Variants in BCAT1 observed in about 807,000 individuals in gnomAD.
BCAT1 encodes the protein branched chain amino acid transaminase 1.
Under a neutral mutation model 52.4 loss-of-function variants are expected in BCAT1, and 48 were observed. The ratio of observed to expected loss-of-function variants is 0.92; its 90% CI spans 0.73 to 1.16. The LOEUF is 1.16. BCAT1 is among the 50% of genes most tolerant of loss of function. The pLI, the probability that BCAT1 is intolerant of heterozygous loss-of-function variation, is 0.00. For missense variants in BCAT1, 451 were observed against 457.1 expected, an observed-to-expected ratio of 0.99 and a Z score of 0.12; for synonymous variants, 167 against 161.3, an observed-to-expected ratio of 1.04 and a Z score of -0.27.
chr12:24,929,385 G>A (rs1943645799), intron 1 of BCAT1, among the ~76,000 whole-genome samples: 1 of 152,146 alleles, frequency 6.6e-6, no homozygotes, highest in Admixed American at 6.5e-5. Flanking sequence ...AGCTCAGGAC[G>A]CACCATCCCA....
chr12:24,895,548 A>G (rs1295438018), intron 2 of BCAT1, among the ~76,000 whole-genome samples: 4 of 151,880 alleles, frequency 2.6e-5, no homozygotes, highest in Non-Finnish European at 5.9e-5. Flanking sequence ...AAGAAAAGAA[A>G]AGAAGAGAAA....
chr12:24,847,585 G>A (rs566956719), intron 6 of BCAT1, among the ~76,000 whole-genome samples: 8 of 152,274 alleles, frequency 5.3e-5, no homozygotes, highest in African/African-American at 1.9e-4. Flanking sequence ...GTGTGTGCAC[G>A]TGTGCATGTG....
chr12:24,875,954 C>A (rs1054578902), intron 5 of BCAT1, among the ~76,000 whole-genome samples: 7 of 152,060 alleles, frequency 4.6e-5, no homozygotes, highest in Admixed American at 1.3e-4. Flanking sequence ...ACCTAACCTA[C>A]CAAACATCCA....
At position 24,849,793 on chromosome 12, in the gene BCAT1, T is replaced by A; in HGVS notation, c.667A>T (p.Met223Leu). ...AWKGGTGDCK[M>L]GGNYGSSLFA... ...AGACACAGATTTACTTACCCTCCCA[T>A]CTTGCAGTCCCCAGTTCCACCTTTC... Residue 223 changes from methionine (M) to leucine (L), a missense_variant, in exon 6 of 11, where the codon ATG becomes TTG. By Grantham distance (15) the Met-to-Leu change is conservative. Transcript: ENST00000261192. The A allele has an allele frequency of 6.2e-7, 1 of 1,607,696 alleles. No homozygotes were observed. Among genetic ancestry groups the A allele is most frequent in the African/African-American group, 1.3e-5 (1 of 74,930 alleles).
intron 6 of BCAT1, among the ~76,000 whole-genome samples, chr12:24,849,165 A>G (rs1008058791): frequency 6.6e-6 from 1 of 152,248 alleles, no homozygotes; most frequent in Admixed American, 6.5e-5. Flanking sequence ...TTCCCAACTC[A>G]TGGCCAAGTC....
intron 1 of BCAT1, chr12:24,902,763 C>A (rs750936378): frequency 5.7e-6 from 5 of 871,704 alleles, no homozygotes; most frequent in Non-Finnish European, 8.4e-6. Context: ...AGATTGCAGG[C>A]TGGGACTCCA....
At chr12:24,834,194 C>T (rs565999714) in intron 8 of BCAT1, 39 of 977,628 alleles carry the variant, frequency 4.0e-5, no homozygotes, top group Admixed American at 1.2e-4. Context: ...TATTTTTAAA[C>T]GTTGAATGTA....
At position 24,811,908 on chromosome 12, in the gene BCAT1, C is replaced by T. The variant is rs114227445; in HGVS notation, c.*6100G>A. ...AGCTCACATTTAAAAACTACTTCCT[C>T]GAACTACTTATTTTTCCTCAGCCAC... On this transcript the variant is annotated 3_prime_UTR_variant, in exon 11 of 11. Transcript: ENST00000261192. The T allele has an allele frequency of 1.2e-4, 19 of 152,174 alleles. No homozygotes were observed. The highest frequency in any genetic ancestry group is 2.6e-4 in the African/African-American group (11 of 41,546). The allele number at this position is 152,174 out of a possible 1,614,324, so 9.4% of individuals were successfully genotyped here.
At chr12:24,913,453 G>T (rs185044842) in intron 1 of BCAT1, among the ~76,000 whole-genome samples, 25 of 152,342 alleles carry the variant, frequency 1.6e-4, no homozygotes, top group East Asian at 3.9e-4. Flanking sequence ...GCACCAAGTA[G>T]ATGGTAGTTT....
chr12:24,943,030 C>A (rs1479447233), intron 1 of BCAT1, among the ~76,000 whole-genome samples: 1 of 152,226 alleles, frequency 6.6e-6, no homozygotes, highest in Non-Finnish European at 1.5e-5. Context: ...AGGCAAGAGC[C>A]AATAGCCCTC....
chr12:24,847,443 T>TAA (rs1941379997), intron 6 of BCAT1, among the ~76,000 whole-genome samples: 1 of 152,220 alleles, frequency 6.6e-6, no homozygotes, highest in South Asian at 2.1e-4. Context: ...GACAAATCTA[T>TAA]AACGACATTT....
chr12:24,887,023 A>G (rs1176467684), intron 3 of BCAT1, among the ~76,000 whole-genome samples: 1 of 132,146 alleles, frequency 7.6e-6, no homozygotes, highest in East Asian at 2.5e-4. Context: ...AGATCACACC[A>G]CTGCTCTCCA....
At chr12:24,884,238 G>T (rs1942590454) in intron 3 of BCAT1, among the ~76,000 whole-genome samples, 1 of 152,152 alleles carries the variant, frequency 6.6e-6, no homozygotes, top group Non-Finnish European at 1.5e-5. Context: ...AGTGAAACAA[G>T]ACAAGTACAG....
chr12:24,935,677 C>G (rs1943742078), intron 1 of BCAT1, among the ~76,000 whole-genome samples: 1 of 152,188 alleles, frequency 6.6e-6, no homozygotes, highest in South Asian at 2.1e-4. Flanking sequence ...CCCTTTTTCT[C>G]GGGCATTTTA....
chr12:24,832,626 T>G, intron 9 of BCAT1, 97 bp downstream of exon 9: 1 of 1,354,784 alleles, frequency 7.4e-7, no homozygotes, highest in Non-Finnish European at 9.9e-7. Context: ...TTTTGCATCT[T>G]GGGTCTGGGT....
intron 5 of BCAT1, among the ~76,000 whole-genome samples, chr12:24,856,271 G>A (rs897790960): frequency 3.9e-5 from 6 of 152,110 alleles, no homozygotes; most frequent in South Asian, 2.1e-4. Flanking sequence ...CACACCCCAC[G>A]CTCAAACCAT....
At chr12:24,848,402 C>G (rs2139458460) in intron 6 of BCAT1, among the ~76,000 whole-genome samples, 1 of 152,284 alleles carries the variant, frequency 6.6e-6, no homozygotes, top group South Asian at 2.1e-4. Context: ...TAATTTTTAA[C>G]TGGCCTACAG....
intron 1 of BCAT1, among the ~76,000 whole-genome samples, chr12:24,921,101 A>G (rs567974405): frequency 6.6e-5 from 10 of 152,166 alleles, no homozygotes; most frequent in Non-Finnish European, 1.3e-4. Flanking sequence ...AACACTTCTT[A>G]GAAGCTCCCC....
chr12:24,820,542 G>A (rs1206484114), intron 10 of BCAT1, among the ~76,000 whole-genome samples: 1 of 152,126 alleles, frequency 6.6e-6, no homozygotes, highest in Non-Finnish European at 1.5e-5. Flanking sequence ...TCTTGTCATT[G>A]TCATTACAAA....
Sources: gnomAD v4.1 joint callset for allele counts (sites outside exome capture counted in the v4.1 genomes callset) on GRCh38, gnomAD v4.1.1 for gene constraint, MANE v1.5 for transcripts, NCBI Gene and HGNC (gene_info 2026-07-23, HGNC 2026-07-21) for gene names.